The following FMN2 variants were observed in gnomAD, a reference collection of about 807,000 sequenced individuals.
FMN2 encodes formin-2.
In FMN2, 51 loss-of-function variants were observed where a neutral mutation model predicts 142.3. The observed-to-expected ratio is 0.36, with a 90% CI of 0.29 to 0.45. The LOEUF (loss-of-function observed/expected upper bound fraction) is 0.45. FMN2 is among the 20% of genes least tolerant of loss of function. The pLI is 1.00. For synonymous variants in FMN2, 882 were observed against 869.8 expected (o/e 1.01, Z -0.25); for missense variants, 1,936 against 2,122.8 (o/e 0.91, Z 1.73).
At chr1:240,214,864 G>A (rs760030859) in intron 6 of FMN2, among the ~76,000 whole-genome samples, 2 of 152,090 alleles carry the variant, frequency 1.3e-5, no homozygotes, top group Non-Finnish European at 2.9e-5. Flanking sequence ...CCAGGATTTC[G>A]AGACCAGCCT....
At chr1:240,320,376 G>A (rs1670931076) in intron 8 of FMN2, among the ~76,000 whole-genome samples, 1 of 152,192 alleles carries the variant, frequency 6.6e-6, no homozygotes, top group Non-Finnish European at 1.5e-5. Context: ...TGGCCATAAG[G>A]AAGAATGAGC....
Position 240,093,020 on chromosome 1 carries a change from C to T in FMN2, c.911C>T (p.Ala304Val), listed in dbSNP as rs1040050645. The change falls in exon 1 of 18, where the codon GCG becomes GTG. Residue 304 changes from alanine to valine, a missense_variant. Transcript: ENST00000319653. ...CCCGGCGGCCTCCCGGTCTCCGAGG[C>T]GCCCAGTCTCCCGGCAGCGCAACCC... is the stretch of plus-strand genomic sequence containing the variant. ...PSPGGLPVSE[A>V]PSLPAAQPAA... is the part of the protein sequence containing the mutation. 27 of 1,395,752 alleles carry T rather than the reference C, an allele frequency of 1.9e-5. No homozygotes were observed. In the East Asian group the frequency reaches 7.0e-4, roughly 36 times the overall value. The allele number at this position is 1,395,752 out of a possible 1,614,324, so 86.5% of individuals were successfully genotyped here.
intron 8 of FMN2, among the ~76,000 whole-genome samples, chr1:240,296,314 C>T (rs1169187657): frequency 1.3e-5 from 2 of 150,434 alleles, no homozygotes; most frequent in Non-Finnish European, 2.9e-5. Flanking sequence ...ATGTCTTTAG[C>T]TAGAATGTGA....
At chr1:240,161,972 T>C (rs1483443623) in intron 2 of FMN2, among the ~76,000 whole-genome samples, 1 of 151,790 alleles carries the variant, frequency 6.6e-6, no homozygotes, top group African/African-American at 2.4e-5. Flanking sequence ...TTGGAGTATA[T>C]TGAAAGTAAA....
intron 7 of FMN2, among the ~76,000 whole-genome samples, chr1:240,288,854 G>A (rs1020040677): frequency 1.3e-5 from 2 of 152,182 alleles, no homozygotes; most frequent in Admixed American, 1.3e-4. Flanking sequence ...TCAGCCTGAG[G>A]AACTGAATCC....
chr1:240,352,882 G>A (rs904987324), intron 13 of FMN2, among the ~76,000 whole-genome samples: 1 of 152,184 alleles, frequency 6.6e-6, no homozygotes, highest in Non-Finnish European at 1.5e-5. Context: ...GACTACGGAT[G>A]TCTTGTCATC....
At chr1:240,135,186 T>A (rs1053849534) in intron 2 of FMN2, among the ~76,000 whole-genome samples, 1 of 152,228 alleles carries the variant, frequency 6.6e-6, no homozygotes, top group African/African-American at 2.4e-5. Flanking sequence ...CTAGAATTCC[T>A]AAGACAGGGA....
At chr1:240,213,716 T>C (rs142008571) in intron 6 of FMN2, among the ~76,000 whole-genome samples, 2 of 152,230 alleles carry the variant, frequency 1.3e-5, no homozygotes, top group Non-Finnish European at 2.9e-5. Flanking sequence ...ATTCTTCTTA[T>C]ATACAATGGA....
intron 15 of FMN2, among the ~76,000 whole-genome samples, chr1:240,393,632 G>A (rs1422580927): frequency 6.6e-6 from 1 of 152,158 alleles, no homozygotes; most frequent in African/African-American, 2.4e-5. Flanking sequence ...CCTTAATGAG[G>A]AAGGTATATC....
intron 16 of FMN2, among the ~76,000 whole-genome samples, chr1:240,454,864 A>G (rs1676187112): frequency 1.3e-5 from 2 of 152,002 alleles, no homozygotes; most frequent in Admixed American, 6.6e-5. Context: ...AAGGTGGAAA[A>G]GCTATTGTTT....
At chr1:240,096,224 C>A (rs1364513653) in intron 1 of FMN2, among the ~76,000 whole-genome samples, 1 of 152,036 alleles carries the variant, frequency 6.6e-6, no homozygotes, top group African/African-American at 2.4e-5. Flanking sequence ...TGTTTTAAGG[C>A]CATATAGAGA....
At chr1:240,408,661 A>G (rs950478642) in intron 15 of FMN2, among the ~76,000 whole-genome samples, 1 of 152,078 alleles carries the variant, frequency 6.6e-6, no homozygotes, top group South Asian at 2.1e-4. Context: ...TTATTTAGAG[A>G]AATTAAAGTA....
intron 2 of FMN2, among the ~76,000 whole-genome samples, chr1:240,136,941 G>A (rs928750577): frequency 1.3e-5 from 2 of 151,782 alleles, no homozygotes; most frequent in African/African-American, 4.8e-5. Context: ...CGTGGTGTGG[G>A]TGCCTCTAAT....
rs187796475 is a variant in FMN2, at chr1:240,356,559, G to C, written c.4858+651G>C. 2.1e-3 allele frequency among the ~76,000 whole-genome samples: 316 copies of C among 152,246 alleles called. 5 individuals are homozygous for C. Among genetic ancestry groups the C allele is most frequent in the Admixed American group, 0.018 (279 of 15,290 alleles). ...GAAAAGAAAGCATCTATTAAGTCTT[G>C]ATGTTTGAAATCACTGAAACTTATA... is the stretch of plus-strand genomic sequence containing the variant. On this transcript the variant is annotated intron_variant, in intron 14 of 17. Transcript: ENST00000319653.
intron 6 of FMN2, among the ~76,000 whole-genome samples, chr1:240,254,781 G>A (rs1269247310): frequency 6.6e-6 from 1 of 152,146 alleles, no homozygotes; most frequent in African/African-American, 2.4e-5. Context: ...CGTTGGCAAA[G>A]GCTTGTGCTT....
chr1:240,155,020 A>G (rs1408311506), intron 2 of FMN2, among the ~76,000 whole-genome samples: 2 of 151,374 alleles, frequency 1.3e-5, no homozygotes, highest in Non-Finnish European at 2.9e-5. Flanking sequence ...CCTCCTGAGT[A>G]GCTAGGACTA....
chr1:240,351,101 C>T (rs1240160007), intron 13 of FMN2, among the ~76,000 whole-genome samples: 1 of 152,158 alleles, frequency 6.6e-6, no homozygotes, highest in Admixed American at 6.5e-5. Flanking sequence ...AACAAGCAGA[C>T]TTGTTCTGTG....
chr1:240,404,652 GC>G (rs879439978), intron 15 of FMN2, among the ~76,000 whole-genome samples: 27 of 152,252 alleles, frequency 1.8e-4, no homozygotes, highest in Non-Finnish European at 2.8e-4. Context: ...TTATTTTCGG[GC>G]CGTGTGGTAA....
At chr1:240,218,993 G>T (rs1412596856) in intron 6 of FMN2, among the ~76,000 whole-genome samples, 1 of 152,122 alleles carries the variant, frequency 6.6e-6, no homozygotes, top group African/African-American at 2.4e-5. Flanking sequence ...GATATGATTT[G>T]AAATGGGCCT....
Sources: gnomAD v4.1 joint callset for allele counts (sites outside exome capture counted in the v4.1 genomes callset) on GRCh38, gnomAD v4.1.1 for gene constraint, MANE v1.5 for transcripts, NCBI Gene and HGNC (gene_info 2026-07-23, HGNC 2026-07-21) for gene names.